Variants in GLB1L3 observed in about 807,000 individuals in gnomAD.
GLB1L3 encodes the protein beta-galactosidase-1-like protein 3.
GLB1L3 carries 89 observed loss-of-function variants against 89.5 expected under a neutral mutation model. The observed-to-expected ratio is 0.99, with a 90% CI of 0.84 to 1.19. The LOEUF (loss-of-function observed/expected upper bound fraction) is 1.19, where lower values mean the gene tolerates loss of function less well. GLB1L3 is among the 50% of genes most tolerant of loss of function. The probability of loss-of-function intolerance (pLI) is 0.00; values close to 1 mark genes in which losing one functional copy is unlikely to be tolerated. For missense variants in GLB1L3, 812 were observed against 813.3 expected, an observed-to-expected ratio of 1.00 and a Z score of 0.02; for synonymous variants, 314 against 312.3, an observed-to-expected ratio of 1.01 and a Z score of -0.06.
chr11:134,279,315 C>T (rs938853083), intron 3 of GLB1L3, among the ~76,000 whole-genome samples: 2 of 150,588 alleles, frequency 1.3e-5, no homozygotes, highest in Non-Finnish European at 3.0e-5. Context: ...ATACATCCTG[C>T]TCTCCCCCTT....
chr11:134,277,602 C>CA (rs1940448547), intron 2 of GLB1L3, 98 bp from the exon 3 acceptor site: 1 of 1,527,312 alleles, frequency 6.5e-7, no homozygotes, highest in East Asian at 2.3e-5. Context: ...GTCCTACTAA[C>CA]AAAAACTTCT....
intron 9 of GLB1L3, among the ~76,000 whole-genome samples, chr11:134,295,222 C>G (rs77345352): frequency 0.01 from 1,586 of 152,294 alleles, 18 homozygotes; most frequent in Non-Finnish European, 0.014. Context: ...ACTTTCATCA[C>G]TGAAACTATC....
chr11:134,311,162 T>C lies in GLB1L3; in HGVS notation c.1279T>C (p.Leu427=). The C allele has an allele frequency of 6.2e-7, 1 of 1,612,436 alleles. No homozygotes were observed. Among genetic ancestry groups the C allele is most frequent in the Non-Finnish European group, 8.5e-7 (1 of 1,178,520 alleles). The change falls in exon 13 of 20, where the codon TTA becomes CTA. Residue 427 remains leucine (L), a synonymous_variant. Coordinates refer to ENST00000431683, the MANE Select transcript of GLB1L3 (RefSeq NM_001080407.3). The part of the protein sequence containing the change: ...YLPLWDALSY[L]NEPVRSRQPV... Reference sequence around the variant, plus strand: ...CCCGCTGTGGGACGCCCTATCCTACTTAAATGAGGTGCGTGCTGCCTGGCC... The same window carrying C: ...CCCGCTGTGGGACGCCCTATCCTACCTAAATGAGGTGCGTGCTGCCTGGCC...
chr11:134,298,329 T>G (rs1206991233), intron 9 of GLB1L3, among the ~76,000 whole-genome samples: 1 of 152,144 alleles, frequency 6.6e-6, no homozygotes, highest in Non-Finnish European at 1.5e-5. Context: ...GTCAGCATTG[T>G]CCTAATTCCA....
intron 8 of GLB1L3, 97 bp from the exon 9 acceptor site, chr11:134,293,048 G>A (rs1941444533): frequency 1.1e-6 from 1 of 921,714 alleles, no homozygotes; most frequent in Non-Finnish European, 1.8e-6. Flanking sequence ...CTGAGCATGG[G>A]TTCCTCCTGC....
chr11:134,313,635 G>T (rs1333640416), intron 16 of GLB1L3, among the ~76,000 whole-genome samples, 161 bp downstream of exon 16: 2 of 152,198 alleles, frequency 1.3e-5, no homozygotes, highest in Admixed American at 1.3e-4. Context: ...CCCTTGTCTT[G>T]CCTTCTCTGA....
chr11:134,277,971 G>A lies in GLB1L3; in HGVS notation c.362+59G>A, dbSNP rs1478185110. 1.0e-5 allele frequency: 16 copies of A among 1,560,750 alleles called. No homozygotes were observed. In the Admixed American group the frequency reaches 2.5e-4, roughly 25 times the overall value. The stretch of plus-strand genomic sequence containing the variant: ...TACCCTACAAGTGCATCCTGGCCGG[G>A]AACCTGAGCCTCCGATTTTGGGGGC... On this transcript the variant is annotated intron_variant, in intron 3 of 19. Transcript: ENST00000431683.
Position 134,277,379 on chromosome 11 carries a change from C to A in GLB1L3, c.77C>A (p.Ser26Ter). 6.2e-7 allele frequency: 1 copy of A among 1,613,950 alleles called. No individual in the cohort carries two copies. The highest frequency in any genetic ancestry group is 8.5e-7 in the Non-Finnish European group (1 of 1,179,886). Reference protein sequence around the residue: ...MAGIFFLPFISSGFAPRFKQE... With the variant: ...MAGIFFLPFI ...GGCATCTTTTTCCTGCCATTTATCT[C>A]ATCAGGTTTTGCTCCTCGGTTTAAG... is the stretch of plus-strand genomic sequence containing the variant. The change falls in exon 2 of 20, where the codon TCA (serine) becomes TAA (stop). Residue 26 changes from serine (S) to a stop codon, truncating the protein, a stop_gained. Coordinates refer to ENST00000431683, the MANE Select transcript of GLB1L3 (RefSeq NM_001080407.3). LOFTEE classifies it high-confidence loss of function.
At position 134,276,554 on chromosome 11, in the gene GLB1L3, G is replaced by T. The variant is rs1251961282; in HGVS notation, c.-187G>T. 4.5e-6 allele frequency: 2 copies of T among 442,300 alleles called. No homozygotes were observed. Among genetic ancestry groups the T allele is most frequent in the Non-Finnish European group, 7.4e-6 (2 of 270,060 alleles). The allele number at this position is 442,300 out of a possible 1,614,324, so 27.4% of individuals were successfully genotyped here. A position where few individuals can be genotyped will look rare whatever the true frequency, so the allele number is the denominator to read the frequency against. The stretch of plus-strand genomic sequence containing the variant: ...GTCCCCGCGGGAGGGAGCCCGACGC[G>T]CATCCTTGGGACCCGGACCCGGCGC... On this transcript the variant is annotated 5_prime_UTR_variant, in exon 1 of 20. Coordinates refer to ENST00000431683, the MANE Select transcript of GLB1L3 (RefSeq NM_001080407.3).
At chr11:134,286,903 G>A (rs570425078) in intron 6 of GLB1L3, among the ~76,000 whole-genome samples, 1 of 151,784 alleles carries the variant, frequency 6.6e-6, no homozygotes, top group East Asian at 2.0e-4. Flanking sequence ...GCTCACACCT[G>A]TAATTCCAGC....
At chr11:134,290,935 T>A (rs949159932) in intron 7 of GLB1L3, among the ~76,000 whole-genome samples, 1 of 152,136 alleles carries the variant, frequency 6.6e-6, no homozygotes, top group African/African-American at 2.4e-5. Flanking sequence ...AGCCCTTTTT[T>A]TCCCTGGAGA....
chr11:134,313,825 C>T, intron 16 of GLB1L3, 116 bp from the exon 17 acceptor site: 1 of 712,096 alleles, frequency 1.4e-6, no homozygotes, highest in Non-Finnish European at 2.5e-6. Flanking sequence ...TGTTTGCCCT[C>T]CTGGCTGTGC....
At chr11:134,324,210 C>T (rs1158412871), downstream of GLB1L3, among the ~76,000 whole-genome samples, 1 of 152,184 alleles carries the variant, frequency 6.6e-6, no homozygotes, top group Non-Finnish European at 1.5e-5. Context: ...CTACCGTACC[C>T]AACTTTAAGG....
intron 10 of GLB1L3, among the ~76,000 whole-genome samples, chr11:134,308,223 TCAC>T (rs1942337238): frequency 1.1e-4 from 3 of 27,582 alleles, no homozygotes; most frequent in East Asian, 1.8e-3. Context: ...ACCATCACCA[TCAC>T]CACCACCACC....
In GLB1L3 at chr11:134,310,621, A is replaced by C. The variant is rs1184389102; in HGVS notation, c.1150A>C (p.Lys384Gln). The C allele has an allele frequency of 1.2e-6, 2 of 1,613,458 alleles. No individual in the cohort carries two copies. ...EAGDYTEKYL[K>Q]LQKLFQSVSA... ...TGGAGATTACACAGAAAAATATCTGAAGCTTCAAAAACTCTTTCAATCTGT... is the reference window on the plus strand; with the variant it reads ...TGGAGATTACACAGAAAAATATCTGCAGCTTCAAAAACTCTTTCAATCTGT... Residue 384 changes from lysine (K) to glutamine (Q), a missense_variant, in exon 12 of 20, where the codon AAG (lysine) becomes CAG (glutamine). Lys to Gln is a moderately conservative substitution (Grantham distance 53). Around this residue, in one of 3 missense-constraint regions of GLB1L3, gnomAD observed 618 missense variants for 604.0 expected, o/e 1.02. Transcript: ENST00000431683.
At position 134,312,412 on chromosome 11, in the gene GLB1L3, T is replaced by C. The variant is rs1359291991; in HGVS notation, c.1351T>C (p.Ser451Pro). Residue 451 changes from serine (S) to proline (P), a missense_variant, in exon 14 of 20, where the codon TCC (serine) becomes CCC (proline). Transcript: ENST00000431683. ...TCCCATAAACAATGGGAGCGGCCAGTCCTACGGGCTTGTCCTGTATGAGAA... is the reference window on the plus strand; with the variant it reads ...TCCCATAAACAATGGGAGCGGCCAGCCCTACGGGCTTGTCCTGTATGAGAA... ...NLPINNGSGQ[S>P]YGLVLYEKSI... is the part of the protein sequence containing the mutation. The C allele has an allele frequency of 2.5e-6, 4 of 1,613,784 alleles. 1 individual carries two copies. The highest frequency in any genetic ancestry group is 1.3e-5 in the African/African-American group (1 of 75,040).
intron 1 of GLB1L3, 50 bp downstream of exon 1, chr11:134,276,813 C>A: frequency 7.4e-7 from 1 of 1,352,142 alleles, no homozygotes; most frequent in Non-Finnish European, 9.5e-7. Flanking sequence ...CCGGCGCGTG[C>A]CCGGGAGCCT....
rs3065410 is a variant in GLB1L3, at chr11:134,300,331, ATTTT to A, written c.877-6777_877-6774del. ...GATTAGGGCCCATCCTATTGACCACATTTTTTTTTTTTTTTTTTTGAGACATAGT... is the reference window on the plus strand; with the variant it reads ...GATTAGGGCCCATCCTATTGACCACATTTTTTTTTTTTTTTGAGACATAGT... On this transcript the variant is annotated intron_variant, in intron 9 of 19. Transcript: ENST00000431683. Among the ~76,000 whole-genome samples the A allele has an allele frequency of 4.5e-3, 594 of 131,556 alleles. 7 individuals are homozygous for A. In the East Asian group the frequency reaches 0.066, roughly 15 times the overall value. 86.3% of individuals were successfully genotyped at this position (131,556 alleles called of 152,430 possible). A position where few individuals can be genotyped will look rare whatever the true frequency, so the allele number is the denominator to read the frequency against.
At chr11:134,278,493 C>T (rs971210799) in intron 3 of GLB1L3, among the ~76,000 whole-genome samples, 4 of 152,088 alleles carry the variant, frequency 2.6e-5, no homozygotes, top group Non-Finnish European at 1.5e-5. Context: ...GCCATGTTGC[C>T]TGGGCTGGTC....
Sources: allele counts gnomAD v4.1 joint callset (sites outside exome capture counted in the v4.1 genomes callset), GRCh38; gene constraint gnomAD v4.1.1; regional missense constraint gnomAD v4.1.1; transcripts MANE v1.5; gene names NCBI Gene and HGNC (gene_info 2026-07-23, HGNC 2026-07-21).